The following TULP4 variants were observed in gnomAD, a reference collection of about 807,000 sequenced individuals.
TULP4 encodes tubby-related protein 4.
In TULP4, 16 loss-of-function variants were observed where a neutral mutation model predicts 129.0. The ratio of observed to expected loss-of-function variants is 0.12; its 90% CI spans 0.08 to 0.19. The LOEUF (loss-of-function observed/expected upper bound fraction) is 0.19, where lower values mean the gene tolerates loss of function less well. Among genes scored for constraint, TULP4 ranks in the 10% least tolerant of loss-of-function variants. The probability of loss-of-function intolerance (pLI) is 1.00; values close to 1 mark genes in which losing one functional copy is unlikely to be tolerated. For synonymous variants in TULP4, 998 were observed against 854.0 expected, an observed-to-expected ratio of 1.17 and a Z score of -2.94; for missense variants, 1,842 against 2,059.1, an observed-to-expected ratio of 0.89 and a Z score of 2.04.
intron 1 of TULP4, among the ~76,000 whole-genome samples, chr6:158,289,769 C>T (rs62439867): frequency 0.13 from 20,203 of 151,814 alleles, 1,709 homozygotes; most frequent in African/African-American, 0.23. Flanking sequence ...TTTGTAGAGA[C>T]GGGGTCTCAC....
chr6:158,233,739 A>G (rs1337708218), intron 1 of TULP4, among the ~76,000 whole-genome samples: 1 of 152,240 alleles, frequency 6.6e-6, no homozygotes, highest in Non-Finnish European at 1.5e-5. Context: ...CTTGATAGGT[A>G]ACTGGCATGG....
At chr6:158,484,237 C>G (rs1780014647) in intron 8 of TULP4, among the ~76,000 whole-genome samples, 1 of 151,478 alleles carries the variant, frequency 6.6e-6, no homozygotes, top group Admixed American at 6.6e-5. Flanking sequence ...TTCCCTCCAC[C>G]ACCCCCACCC....
chr6:158,241,570 C>A (rs1022765443), intron 1 of TULP4, among the ~76,000 whole-genome samples: 18 of 152,082 alleles, frequency 1.2e-4, no homozygotes, highest in Non-Finnish European at 2.2e-4. Flanking sequence ...AGCGAAACCC[C>A]GTCTCCACCA....
At chr6:158,320,795 T>C (rs1779608164) in intron 1 of TULP4, among the ~76,000 whole-genome samples, 1 of 152,142 alleles carries the variant, frequency 6.6e-6, no homozygotes, top group African/African-American at 2.4e-5. Flanking sequence ...ATTCGTTTTG[T>C]TATAAGGACA....
intron 13 of TULP4, among the ~76,000 whole-genome samples, chr6:158,505,704 A>G (rs1476272938): frequency 6.6e-6 from 1 of 152,174 alleles, no homozygotes; most frequent in Admixed American, 6.5e-5. Flanking sequence ...GGAAGTGGCC[A>G]GCAAGTCCCT....
intron 9 of TULP4, among the ~76,000 whole-genome samples, chr6:158,491,640 G>A (rs1326415021): frequency 6.6e-6 from 1 of 151,294 alleles, no homozygotes; most frequent in Non-Finnish European, 1.5e-5. Context: ...CTACAGGCTT[G>A]TGCCACATGA....
At chr6:158,365,455 T>TC (rs1780913357) in intron 1 of TULP4, among the ~76,000 whole-genome samples, 1 of 151,614 alleles carries the variant, frequency 6.6e-6, no homozygotes, top group East Asian at 1.9e-4. Flanking sequence ...GTTTTTTTTT[T>TC]CTTTTTTTCT....
At chr6:158,318,898 AATTTTTTTT>A (rs1478132415) in intron 1 of TULP4, among the ~76,000 whole-genome samples, 12 of 66,252 alleles carry the variant, frequency 1.8e-4, no homozygotes, top group East Asian at 9.5e-4. Context: ...GCTAGTTACA[AATTTTTTTT>A]TTTTTTTTTT....
intron 1 of TULP4, among the ~76,000 whole-genome samples, chr6:158,381,203 G>C (rs976427560): frequency 6.6e-6 from 1 of 150,514 alleles, no homozygotes; most frequent in Non-Finnish European, 1.5e-5. Flanking sequence ...TCTCAAAGTA[G>C]TGTTTCTTTG....
chr6:158,406,518 G>T (rs1777980657), intron 1 of TULP4, among the ~76,000 whole-genome samples: 6 of 152,298 alleles, frequency 3.9e-5, no homozygotes, highest in Middle Eastern at 3.4e-3. Flanking sequence ...GAGTGGAAAA[G>T]AATAGAAGTT....
intron 3 of TULP4, among the ~76,000 whole-genome samples, chr6:158,444,064 C>G (rs1263899287): frequency 6.6e-6 from 1 of 151,394 alleles, no homozygotes; most frequent in Non-Finnish European, 1.5e-5. Flanking sequence ...CTAAAAAATA[C>G]AAAAAATTAG....
intron 1 of TULP4, among the ~76,000 whole-genome samples, chr6:158,246,109 C>T (rs1778027194): frequency 6.6e-6 from 1 of 150,526 alleles, no homozygotes; most frequent in East Asian, 2.0e-4. Flanking sequence ...AGAATGGGGA[C>T]GGACTCACAA....
At chr6:158,462,565 G>T (rs1562576794) in intron 6 of TULP4, among the ~76,000 whole-genome samples, 1 of 149,984 alleles carries the variant, frequency 6.7e-6, no homozygotes, top group East Asian at 2.0e-4. Context: ...ACTAGAGATG[G>T]GGTTTCACCA....
rs763597902 is a variant in TULP4, at chr6:158,314,089, C to T, written c.73C>T (p.Arg25Cys). Residue 25 changes from arginine (R) to cysteine (C), a missense_variant, in exon 1 of 14, where the codon CGT (arginine) becomes TGT (cysteine). Arg to Cys is a radical substitution (Grantham distance 180). This residue lies in a region of TULP4 where 151 missense variants were observed against 268.7 expected (regional missense o/e 0.56). Coordinates refer to ENST00000367097, the MANE Select transcript of TULP4 (RefSeq NM_020245.5). ...CATCCTGTGCCTGTCCTGGAAGGGG[C>T]GTGTCCCCAAGAGTGAGAAGGAGAA... Reference protein sequence around the residue: ...SNILCLSWKGRVPKSEKEKPV... With the variant: ...SNILCLSWKGCVPKSEKEKPV... 6.8e-6 allele frequency: 11 copies of T among 1,614,164 alleles called. No individual in the cohort carries two copies. The highest frequency in any genetic ancestry group is 3.3e-5 in the Admixed American group (2 of 60,026).
chr6:158,368,948 A>G (rs992794837), intron 1 of TULP4, among the ~76,000 whole-genome samples: 3 of 152,170 alleles, frequency 2.0e-5, no homozygotes, highest in Non-Finnish European at 2.9e-5. Context: ...AAAATGTGCT[A>G]TGATGTAGTT....
intron 1 of TULP4, among the ~76,000 whole-genome samples, chr6:158,298,640 A>G (rs780572388): frequency 6.6e-6 from 1 of 152,240 alleles, no homozygotes; most frequent in African/African-American, 2.4e-5. Context: ...ACACAAGTGT[A>G]TAAATGACAA....
intron 1 of TULP4, among the ~76,000 whole-genome samples, chr6:158,340,724 CAG>C (rs1454938711): frequency 6.6e-6 from 1 of 152,160 alleles, no homozygotes; most frequent in Non-Finnish European, 1.5e-5. Flanking sequence ...CCAGTGATTC[CAG>C]AGAGTCCTTC....
At chr6:158,496,385 A>G (rs962525407) in intron 11 of TULP4, among the ~76,000 whole-genome samples, 1 of 152,264 alleles carries the variant, frequency 6.6e-6, no homozygotes, top group African/African-American at 2.4e-5. Context: ...ACCTATTGCT[A>G]TGAGGCATTT....
At chr6:158,494,991 C>G in intron 11 of TULP4, 145 bp downstream of exon 11, 1 of 611,708 alleles carries the variant, frequency 1.6e-6, no homozygotes, top group Non-Finnish European at 2.7e-6. Flanking sequence ...CTTAACTTCA[C>G]CACAGTGATT....
Sources: gnomAD v4.1 joint callset for allele counts (sites outside exome capture counted in the v4.1 genomes callset) on GRCh38, gnomAD v4.1.1 for gene constraint, gnomAD v4.1.1 regional missense constraint, MANE v1.5 for transcripts, NCBI Gene and HGNC (gene_info 2026-07-23, HGNC 2026-07-21) for gene names.